The following WWOX variants were observed in gnomAD, a reference collection of about 807,000 sequenced individuals.
The protein encoded by WWOX is WW domain-containing oxidoreductase.
A neutral mutation model predicts 46.2 loss-of-function variants in WWOX; 69 were observed. That is an observed-to-expected ratio of 1.49 (90% CI 1.23 to 1.82). WWOX has a LOEUF of 1.82. Ranked by LOEUF, WWOX falls within the 40% of genes most tolerant of loss-of-function variation. WWOX has a pLI of 0.00. For synonymous variants in WWOX, 359 were observed against 202.6 expected, an observed-to-expected ratio of 1.77 and a Z score of -6.56; for missense variants, 919 against 542.6, an observed-to-expected ratio of 1.69 and a Z score of -6.89.
At chr16:78,619,893 A>G (rs770358423) in intron 8 of WWOX, among the ~76,000 whole-genome samples, 4 of 152,070 alleles carry the variant, frequency 2.6e-5, no homozygotes, top group Non-Finnish European at 4.4e-5. Context: ...CAGAGTGAGA[A>G]CCTGTCTCCA....
intron 8 of WWOX, among the ~76,000 whole-genome samples, chr16:78,499,213 A>G (rs1230290016): frequency 2.6e-5 from 4 of 151,220 alleles, no homozygotes; most frequent in Admixed American, 2.6e-4. Flanking sequence ...TAGCTCAGTG[A>G]GATGGCTTTG....
intron 8 of WWOX, among the ~76,000 whole-genome samples, chr16:78,520,074 G>C (rs900222766): frequency 6.6e-6 from 1 of 152,108 alleles, no homozygotes; most frequent in Non-Finnish European, 1.5e-5. Flanking sequence ...CATTCACTTA[G>C]TTTCGAAAGG....
intron 8 of WWOX, among the ~76,000 whole-genome samples, chr16:78,935,004 T>G (rs2045706365): frequency 6.6e-6 from 1 of 152,032 alleles, no homozygotes; most frequent in Admixed American, 6.5e-5. Flanking sequence ...CATGAAAAAA[T>G]GCTCATCATC....
chr16:79,017,511 T>A (rs1279997218), intron 8 of WWOX: 1 of 150,594 alleles, frequency 6.6e-6, no homozygotes, highest in Non-Finnish European at 1.5e-5. Context: ...GCAAACTGTT[T>A]TTATAAAGGA....
intron 8 of WWOX, among the ~76,000 whole-genome samples, chr16:78,989,169 C>G (rs1056328312): frequency 5.3e-5 from 8 of 152,004 alleles, no homozygotes; most frequent in African/African-American, 1.9e-4. Flanking sequence ...TTGTATCTCC[C>G]CAGGGTTAGT....
intron 8 of WWOX, among the ~76,000 whole-genome samples, chr16:78,994,969 CTTTTTTTTTTTT>C (rs869088414): frequency 4.4e-5 from 5 of 114,622 alleles, no homozygotes; most frequent in African/African-American, 1.6e-4. Context: ...TCTTCTTCTT[CTTTTTTTTTTTT>C]TTTTTTTGTT....
chr16:78,564,018 G>A (rs772293507), intron 8 of WWOX, among the ~76,000 whole-genome samples: 3 of 152,142 alleles, frequency 2.0e-5, no homozygotes, highest in South Asian at 2.1e-4. Flanking sequence ...TTCTGGGTGC[G>A]AACAAGCCCA....
At chr16:78,689,279 C>G (rs961459326) in intron 8 of WWOX, among the ~76,000 whole-genome samples, 18 of 152,248 alleles carry the variant, frequency 1.2e-4, no homozygotes, top group Non-Finnish European at 2.2e-4. Context: ...GCTTTGCACA[C>G]ACATGCTGTC....
chr16:78,958,882 G>A (rs932781923), intron 8 of WWOX, among the ~76,000 whole-genome samples: 1 of 152,140 alleles, frequency 6.6e-6, no homozygotes, highest in East Asian at 1.9e-4. Flanking sequence ...CATGTTTGTT[G>A]CATTCAACTC....
At chr16:78,614,129 C>T (rs1485052147) in intron 8 of WWOX, among the ~76,000 whole-genome samples, 4 of 152,212 alleles carry the variant, frequency 2.6e-5, no homozygotes, top group Admixed American at 6.5e-5. Context: ...GAATATCTCA[C>T]ATCAGAATGA....
chr16:78,201,371 G>A (rs528511291), intron 5 of WWOX, among the ~76,000 whole-genome samples: 4 of 152,106 alleles, frequency 2.6e-5, no homozygotes, highest in South Asian at 2.1e-4. Context: ...AGGCATGACC[G>A]GAAGGTATTA....
chr16:78,455,843 G>A (rs111792329), intron 8 of WWOX, among the ~76,000 whole-genome samples: 2,578 of 150,770 alleles, frequency 0.017, 82 homozygotes, highest in African/African-American at 0.059. Flanking sequence ...TGATGATGAC[G>A]GAAGTGAGCA....
chr16:78,773,150 G>A lies in WWOX; in HGVS notation c.1056+340398G>A, dbSNP rs531904959. On this transcript the variant is annotated intron_variant, in intron 8 of 8. Coordinates refer to ENST00000566780, the MANE Select transcript of WWOX (RefSeq NM_016373.4). ...CTTCATGAGGGCAGGGGACTTTGAC[G>A]ATTTTGTCGGTATCCTAAGCCGCTA... Among the ~76,000 whole-genome samples the A allele has an allele frequency of 1.9e-3, 288 of 152,294 alleles. 4 individuals carry two copies. Among genetic ancestry groups the A allele is most frequent in the Non-Finnish European group, 3.6e-3 (247 of 68,018 alleles).
intron 8 of WWOX, among the ~76,000 whole-genome samples, chr16:78,979,292 T>G (rs893538258): frequency 3.9e-5 from 6 of 152,194 alleles, no homozygotes; most frequent in Non-Finnish European, 7.3e-5. Flanking sequence ...TGTGTTTTAG[T>G]TCATCTCCTT....
At chr16:78,890,861 T>A (rs926192899) in intron 8 of WWOX, 2 of 152,228 alleles carry the variant, frequency 1.3e-5, no homozygotes, top group African/African-American at 4.8e-5. Flanking sequence ...ATAGCTATTA[T>A]TATAAAGACT....
chr16:79,133,657 C>T (rs2049926000), intron 8 of WWOX, among the ~76,000 whole-genome samples: 1 of 152,078 alleles, frequency 6.6e-6, no homozygotes, highest in African/African-American at 2.4e-5. Context: ...TTCTGCTGTC[C>T]TTGCCGGTGG....
At chr16:78,696,838 C>T (rs2048110355) in intron 8 of WWOX, among the ~76,000 whole-genome samples, 1 of 152,074 alleles carries the variant, frequency 6.6e-6, no homozygotes, top group Non-Finnish European at 1.5e-5. Flanking sequence ...CTCTCAGTCC[C>T]CAAAGTCCAT....
chr16:78,810,586 T>G (rs2051162774), intron 8 of WWOX, among the ~76,000 whole-genome samples: 1 of 152,232 alleles, frequency 6.6e-6, no homozygotes, highest in Non-Finnish European at 1.5e-5. Context: ...ATGATTGCCT[T>G]GACAAATTCT....
chr16:78,993,516 C>G (rs974588173), intron 8 of WWOX, among the ~76,000 whole-genome samples: 2 of 152,164 alleles, frequency 1.3e-5, no homozygotes, highest in African/African-American at 4.8e-5. Flanking sequence ...ACGCAGGAGC[C>G]TCAGTCCTCA....
Sources: allele counts gnomAD v4.1 joint callset (sites outside exome capture counted in the v4.1 genomes callset), GRCh38; gene constraint gnomAD v4.1.1; transcripts MANE v1.5; gene names NCBI Gene and HGNC (gene_info 2026-07-23, HGNC 2026-07-21).